Variants in SLC39A12 observed in about 807,000 individuals in gnomAD.
SLC39A12 encodes the protein solute carrier family 39 member 12, also known as zinc transporter ZIP12.
A neutral mutation model predicts 71.1 loss-of-function variants in SLC39A12; 63 were observed. The ratio of observed to expected loss-of-function variants is 0.89; its 90% CI spans 0.72 to 1.09. SLC39A12 has a LOEUF of 1.09. Ranked by LOEUF, SLC39A12 falls within the 50% of genes least tolerant of loss-of-function variation. SLC39A12 has a pLI of 0.00. For synonymous variants in SLC39A12, 351 were observed against 301.3 expected, an observed-to-expected ratio of 1.16 and a Z score of -1.71; for missense variants, 892 against 812.6, an observed-to-expected ratio of 1.10 and a Z score of -1.19.
intron 12 of SLC39A12, among the ~76,000 whole-genome samples, chr10:18,039,311 A>G (rs1837154258): frequency 6.6e-6 from 1 of 152,204 alleles, no homozygotes; most frequent in African/African-American, 2.4e-5. Flanking sequence ...ATGACCACAG[A>G]TGGTATGATT....
Position 18,003,345 on chromosome 10 carries a change from C to G in SLC39A12, c.1934C>G (p.Ser645Cys). The G allele has an allele frequency of 3.7e-6, 6 of 1,607,792 alleles. No homozygotes were observed. Among genetic ancestry groups the G allele is most frequent in the Non-Finnish European group, 5.1e-6 (6 of 1,177,934 alleles). Residue 645 changes from serine (S) to cysteine (C), a missense_variant, in exon 12 of 13, where the codon TCC becomes TGC. By Grantham distance (112) the Ser-to-Cys change is moderately radical. Coordinates refer to ENST00000377369, the MANE Select transcript of SLC39A12 (RefSeq NM_001145195.2). Reference sequence around the variant, plus strand: ...ACTGCTGGGATGTTCTTATATTTATCCTTGGTTGAAATGGTAAGCTTGGTG... The same window carrying G: ...ACTGCTGGGATGTTCTTATATTTATGCTTGGTTGAAATGGTAAGCTTGGTG... The part of the protein sequence containing the change: ...TVTAGMFLYL[S>C]LVEMLPEMTH...
intron 12 of SLC39A12, chr10:18,005,496 T>A (rs757189807): frequency 3.3e-5 from 5 of 152,236 alleles, no homozygotes; most frequent in Non-Finnish European, 7.3e-5. Context: ...TCTTTATGGG[T>A]CAGTTCAGGG....
chr10:17,960,802 C>T (rs986345910), intron 2 of SLC39A12, among the ~76,000 whole-genome samples: 12 of 152,218 alleles, frequency 7.9e-5, no homozygotes, highest in African/African-American at 2.2e-4. Flanking sequence ...ATAAAATGCA[C>T]GCCAGTTTTC....
intron 8 of SLC39A12, among the ~76,000 whole-genome samples, chr10:17,992,588 G>C (rs984075336): frequency 2.0e-5 from 3 of 152,040 alleles, no homozygotes; most frequent in Non-Finnish European, 2.9e-5. Context: ...TATACCCAAT[G>C]GATTAACATT....
intron 2 of SLC39A12, among the ~76,000 whole-genome samples, chr10:17,955,377 T>C (rs1834514351): frequency 6.6e-6 from 1 of 152,192 alleles, no homozygotes; most frequent in African/African-American, 2.4e-5. Context: ...CAGCTTTACC[T>C]ACTCAGAAGG....
intron 2 of SLC39A12, among the ~76,000 whole-genome samples, chr10:17,955,367 CA>C (rs1241302063): frequency 1.3e-5 from 2 of 152,190 alleles, no homozygotes; most frequent in African/African-American, 4.8e-5. Context: ...AAGTGAGTCT[CA>C]GCTTTACCTA....
At chr10:17,963,835 G>C (rs1834754353) in intron 3 of SLC39A12, among the ~76,000 whole-genome samples, 1 of 152,136 alleles carries the variant, frequency 6.6e-6, no homozygotes, top group East Asian at 1.9e-4. Context: ...TGCTCCAAGT[G>C]GGCCTCAACA....
chr10:17,993,395 T>A, intron 9 of SLC39A12, 104 bp downstream of exon 9: 1 of 812,904 alleles, frequency 1.2e-6, no homozygotes, highest in Non-Finnish European at 2.0e-6. Flanking sequence ...GATTTCATAC[T>A]CCTGATTTGC....
chr10:17,962,973 T>C (rs138598932), intron 3 of SLC39A12, among the ~76,000 whole-genome samples: 6 of 152,150 alleles, frequency 3.9e-5, no homozygotes, highest in South Asian at 2.1e-4. Context: ...CTAGGCAACA[T>C]AGCAAGACCT....
At position 17,991,288 on chromosome 10, in the gene SLC39A12, A is replaced by G. The variant is rs770196258; in HGVS notation, c.1407A>G (p.Val469=). ...FLIEKCFILL[V]SPNDKQGLSL... is the part of the protein sequence containing the mutation. ...TAGAAAAATGTTTTATTCTTCTTGT[A>G]TCACCAAATGACAAGGTATATTTTT... The change falls in exon 8 of 13, where the codon GTA becomes GTG. Residue 469 remains valine (V), a synonymous_variant. Transcript: ENST00000377369. The G allele has an allele frequency of 1.3e-6, 2 of 1,587,256 alleles. No homozygotes were observed. The highest frequency in any genetic ancestry group is 2.3e-5 in the East Asian group (1 of 44,300).
chr10:17,966,268 A>G (rs1042843406), intron 4 of SLC39A12, among the ~76,000 whole-genome samples: 1 of 152,120 alleles, frequency 6.6e-6, no homozygotes, highest in Non-Finnish European at 1.5e-5. Flanking sequence ...GAAATGACTA[A>G]TTCTTAACAT....
chr10:18,039,760 A>G (rs186894160), intron 12 of SLC39A12, among the ~76,000 whole-genome samples: 159 of 152,308 alleles, frequency 1.0e-3, no homozygotes, highest in African/African-American at 3.4e-3. Context: ...GAAAATTCCC[A>G]TGTATGTACC....
At chr10:18,016,394 A>G (rs1311389052) in intron 12 of SLC39A12, among the ~76,000 whole-genome samples, 1 of 152,118 alleles carries the variant, frequency 6.6e-6, no homozygotes, top group Non-Finnish European at 1.5e-5. Context: ...TTTAGTGCTG[A>G]ATAATATTTC....
chr10:18,037,762 AC>A, intron 12 of SLC39A12, among the ~76,000 whole-genome samples: 1 of 152,186 alleles, frequency 6.6e-6, no homozygotes, highest in Admixed American at 6.5e-5. Flanking sequence ...AGGGGCTCAC[AC>A]CTGTAATCCC....
intron 12 of SLC39A12, among the ~76,000 whole-genome samples, chr10:18,014,500 A>G (rs948510392): frequency 6.6e-6 from 1 of 152,216 alleles, no homozygotes; most frequent in Non-Finnish European, 1.5e-5. Context: ...AGATCCTACA[A>G]CAATCACATA....
At chr10:18,036,603 C>T (rs1345356946) in intron 12 of SLC39A12, among the ~76,000 whole-genome samples, 4 of 151,660 alleles carry the variant, frequency 2.6e-5, no homozygotes, top group Non-Finnish European at 4.4e-5. Flanking sequence ...AGAAATCACC[C>T]GTCTTCTGCG....
At chr10:18,012,181 A>G (rs937524382) in intron 12 of SLC39A12, among the ~76,000 whole-genome samples, 1 of 152,224 alleles carries the variant, frequency 6.6e-6, no homozygotes, top group Admixed American at 6.5e-5. Context: ...AAAATAGAAC[A>G]TATTCTAACA....
chr10:17,966,223 G>A (rs568760524), intron 4 of SLC39A12, among the ~76,000 whole-genome samples: 1 of 152,240 alleles, frequency 6.6e-6, no homozygotes, highest in East Asian at 1.9e-4. Context: ...TGTTTGTTTT[G>A]CACATTTCTT....
At chr10:17,957,364 C>T (rs1589217255) in intron 2 of SLC39A12, among the ~76,000 whole-genome samples, 1 of 152,122 alleles carries the variant, frequency 6.6e-6, no homozygotes, top group African/African-American at 2.4e-5. Flanking sequence ...GGGAGCCTCT[C>T]CTTGCATTTT....
Sources: allele counts gnomAD v4.1 joint callset (sites outside exome capture counted in the v4.1 genomes callset), GRCh38; gene constraint gnomAD v4.1.1; transcripts MANE v1.5; gene names NCBI Gene and HGNC (gene_info 2026-07-23, HGNC 2026-07-21).